CACNB2: variants seen among roughly 807,000 people sequenced by gnomAD.
CACNB2 encodes calcium voltage-gated channel auxiliary subunit beta 2.
In CACNB2, 42 loss-of-function variants were observed where a neutral mutation model predicts 73.3. The observed-to-expected ratio is 0.57, with a 90% confidence interval of 0.45 to 0.74. CACNB2 has a LOEUF of 0.74. Ranked by LOEUF, CACNB2 falls within the 30% of genes least tolerant of loss-of-function variation. The probability of loss-of-function intolerance (pLI) is 0.00; values close to 1 mark genes in which losing one functional copy is unlikely to be tolerated. For synonymous variants in CACNB2, 348 were observed against 310.3 expected (o/e 1.12, Z -1.28); for missense variants, 940 against 853.0 (o/e 1.10, Z -1.27).
At chr10:18,467,877 A>G (rs757034499) in intron 3 of CACNB2, among the ~76,000 whole-genome samples, 5 of 152,210 alleles carry the variant, frequency 3.3e-5, no homozygotes, top group Non-Finnish European at 7.3e-5. Flanking sequence ...TGTCTCCTCT[A>G]CAAGATTCTG....
At chr10:18,525,029 T>TAAAAA (rs35445837) in intron 9 of CACNB2, among the ~76,000 whole-genome samples, 34 of 108,190 alleles carry the variant, frequency 3.1e-4, no homozygotes, top group Non-Finnish European at 4.8e-4. Flanking sequence ...AGATGCTGTC[T>TAAAAA]AAAAAAAAAA....
rs574315467 is a variant in CACNB2 at position 18,514,384 on chromosome 10, C to A, written c.804+15C>A. On this transcript the variant is annotated intron_variant, in intron 7 of 13. Coordinates refer to ENST00000324631, the MANE Select transcript of CACNB2 (RefSeq NM_201596.3). Reference sequence around the variant, plus strand: ...TCTTTAAGAAGGTAACATTAACTTCCAAGCTCCCATTGTCCACCTGCTCAA... The same window carrying A: ...TCTTTAAGAAGGTAACATTAACTTCAAAGCTCCCATTGTCCACCTGCTCAA... 5.0e-6 allele frequency: 8 copies of A among 1,614,102 alleles called. No homozygotes were observed. The East Asian group carries it at 1.8e-4, about 36-fold the overall frequency.
chr10:18,245,457 A>T (rs1588830882), intron 2 of CACNB2, among the ~76,000 whole-genome samples: 1 of 151,950 alleles, frequency 6.6e-6, no homozygotes, highest in South Asian at 2.1e-4. Context: ...AGTGGCTGGG[A>T]CTTACAGGCA....
chr10:18,205,404 TGTC>T (rs1308754217), intron 2 of CACNB2, among the ~76,000 whole-genome samples: 21 of 152,338 alleles, frequency 1.4e-4, no homozygotes, highest in African/African-American at 4.6e-4. Context: ...CTGTTATTGT[TGTC>T]TATATATGCA....
At chr10:18,534,965 A>T (rs2053422805) in intron 11 of CACNB2, among the ~76,000 whole-genome samples, 1 of 152,232 alleles carries the variant, frequency 6.6e-6, no homozygotes, top group African/African-American at 2.4e-5. Flanking sequence ...ATAAAACTCA[A>T]GCTTTCAGAC....
At chr10:18,353,821 A>G (rs1183343205) in intron 2 of CACNB2, among the ~76,000 whole-genome samples, 2 of 152,234 alleles carry the variant, frequency 1.3e-5, no homozygotes, top group Non-Finnish European at 2.9e-5. Flanking sequence ...TTAGTCTGCT[A>G]ACTCTGACAA....
intron 2 of CACNB2, among the ~76,000 whole-genome samples, chr10:18,157,402 T>C (rs1442716294): frequency 6.6e-6 from 1 of 152,172 alleles, no homozygotes; most frequent in Non-Finnish European, 1.5e-5. Context: ...ACCTCAAAAT[T>C]AGGTGTAAGG....
chr10:18,335,784 A>AACACACACACACACACAC (rs10545839), intron 2 of CACNB2, among the ~76,000 whole-genome samples: 3 of 143,972 alleles, frequency 2.1e-5, no homozygotes, highest in African/African-American at 7.8e-5. Context: ...ACAGCAAGAA[A>AACACACACACACACACAC]ACACACACAC....
intron 2 of CACNB2, among the ~76,000 whole-genome samples, chr10:18,254,513 G>GA (rs144139899): frequency 8.1e-5 from 12 of 148,054 alleles, no homozygotes; most frequent in Admixed American, 1.3e-4. Flanking sequence ...TCATTACTGA[G>GA]AAAAAAAAAT....
intron 2 of CACNB2, among the ~76,000 whole-genome samples, chr10:18,171,450 A>G (rs927887146): frequency 7.0e-6 from 1 of 143,168 alleles, no homozygotes; most frequent in Non-Finnish European, 1.5e-5. Context: ...AACCCAAACC[A>G]GATTTCCCCA....
intron 2 of CACNB2, among the ~76,000 whole-genome samples, chr10:18,271,540 G>A (rs886119801): frequency 2.0e-5 from 3 of 152,152 alleles, no homozygotes; most frequent in Admixed American, 2.0e-4. Context: ...GGGCTTTAAT[G>A]GCTATATGTA....
intron 2 of CACNB2, among the ~76,000 whole-genome samples, chr10:18,228,103 G>A (rs915866371): frequency 3.3e-5 from 5 of 152,156 alleles, no homozygotes; most frequent in Non-Finnish European, 5.9e-5. Flanking sequence ...AAAAGGTTGG[G>A]TTAGTTGATG....
At chr10:18,459,879 T>A (rs2047473245) in intron 3 of CACNB2, among the ~76,000 whole-genome samples, 1 of 152,102 alleles carries the variant, frequency 6.6e-6, no homozygotes, top group Non-Finnish European at 1.5e-5. Flanking sequence ...GTGCCTGTAA[T>A]CTCAGCTACT....
rs1430331742 is a variant in CACNB2, at chr10:18,220,230, TATAGAG to T, written c.213+69257_213+69262del. ...ATATATATATATATATATATATATA[TATAGAG>T]AGAGAGAGAGAGAGAGAGAGAGAGA... On this transcript the variant is annotated intron_variant, in intron 2 of 13. Coordinates refer to ENST00000324631, the MANE Select transcript of CACNB2 (RefSeq NM_201596.3). Among the ~76,000 whole-genome samples the T allele has an allele frequency of 2.8e-3, 95 of 34,432 alleles. 2 individuals carry two copies. Among genetic ancestry groups the T allele is most frequent in the African/African-American group, 5.5e-3 (22 of 4,012 alleles). The allele number at this position is 34,432 out of a possible 152,430, so 22.6% of individuals were successfully genotyped here. A position where few individuals can be genotyped will look rare whatever the true frequency, so the allele number is the denominator to read the frequency against.
intron 2 of CACNB2, among the ~76,000 whole-genome samples, chr10:18,385,987 A>T (rs1457436443): frequency 6.6e-6 from 1 of 152,218 alleles, no homozygotes; most frequent in Non-Finnish European, 1.5e-5. Flanking sequence ...TAAAAGTCCC[A>T]GAATCAGAAT....
At chr10:18,387,845 C>T (rs560933452) in intron 2 of CACNB2, among the ~76,000 whole-genome samples, 1 of 152,150 alleles carries the variant, frequency 6.6e-6, no homozygotes, top group South Asian at 2.1e-4. Flanking sequence ...CAGCCTTCAC[C>T]TCCCAGACTC....
At chr10:18,150,799 T>G (rs2031450189) in intron 1 of CACNB2, 84 bp from the exon 2 acceptor site, 2 of 875,146 alleles carry the variant, frequency 2.3e-6, no homozygotes, top group Non-Finnish European at 3.5e-6. Context: ...GTCTTTGACA[T>G]TTTCTGCAAC....
intron 3 of CACNB2, among the ~76,000 whole-genome samples, chr10:18,471,166 CA>C (rs1455122384): frequency 6.6e-6 from 1 of 152,042 alleles, no homozygotes; most frequent in Non-Finnish European, 1.5e-5. Flanking sequence ...ATTAGCTGGG[CA>C]TGGTGGCGGG....
chr10:18,446,417 T>C (rs888941249), intron 3 of CACNB2, among the ~76,000 whole-genome samples: 1 of 152,188 alleles, frequency 6.6e-6, no homozygotes, highest in Non-Finnish European at 1.5e-5. Context: ...AGGTCATCTG[T>C]TGCAATACTT....
Sources: gnomAD v4.1 joint callset for allele counts (sites outside exome capture counted in the v4.1 genomes callset) on GRCh38, gnomAD v4.1.1 for gene constraint, MANE v1.5 for transcripts, NCBI Gene and HGNC (gene_info 2026-07-23, HGNC 2026-07-21) for gene names.